The following RUFY1 variants were observed in gnomAD, a reference collection of about 807,000 sequenced individuals.
RUFY1 encodes the protein RUN and FYVE domain containing 1.
A neutral mutation model predicts 94.6 loss-of-function variants in RUFY1; 54 were observed. That is an observed-to-expected ratio of 0.57 (90% CI 0.46 to 0.72). The LOEUF is 0.72. RUFY1 is among the 30% of genes least tolerant of loss of function. The pLI is 0.00. For missense variants in RUFY1, 883 were observed against 883.9 expected (o/e 1.00, Z 0.01); for synonymous variants, 396 against 347.3 (o/e 1.14, Z -1.56).
chr5:179,557,262 C>A (rs1762157261), intron 1 of RUFY1, among the ~76,000 whole-genome samples: 1 of 152,072 alleles, frequency 6.6e-6, no homozygotes, highest in South Asian at 2.1e-4. Context: ...AACCCCGTCT[C>A]TACTAAAAAT....
chr5:179,567,231 C>T (rs1260960249), intron 3 of RUFY1, among the ~76,000 whole-genome samples: 1 of 152,136 alleles, frequency 6.6e-6, no homozygotes, highest in East Asian at 1.9e-4. Flanking sequence ...TGACTATAAG[C>T]AAAGCATTAT....
intron 3 of RUFY1, among the ~76,000 whole-genome samples, chr5:179,565,009 A>G (rs1762730929): frequency 6.6e-6 from 1 of 152,066 alleles, no homozygotes; most frequent in Non-Finnish European, 1.5e-5. Context: ...AAAGAGAGAG[A>G]AAAATAATTT....
At chr5:179,551,010 G>A in intron 1 of RUFY1, 131 bp downstream of exon 1, 1 of 771,484 alleles carries the variant, frequency 1.3e-6, no homozygotes, top group African/African-American at 1.9e-5. Flanking sequence ...TGGCGGGCGG[G>A]CGGCGCCTGG....
At chr5:179,559,206 C>G (rs1370459673) in intron 1 of RUFY1, among the ~76,000 whole-genome samples, 2 of 152,230 alleles carry the variant, frequency 1.3e-5, no homozygotes, top group Non-Finnish European at 2.9e-5. Flanking sequence ...TACCAGCTTA[C>G]TGGGTTTCAG....
At position 179,563,079 on chromosome 5, in the gene RUFY1, G is replaced by A. The variant is rs931259410; in HGVS notation, c.602+415G>A. Among the ~76,000 whole-genome samples, 9 of 152,272 alleles carry A rather than the reference G, an allele frequency of 5.9e-5. No homozygotes were observed. In the South Asian group the frequency reaches 6.2e-4, roughly 11 times the overall value. On this transcript the variant is annotated intron_variant, in intron 3 of 17. Transcript: ENST00000319449. ...CGAATTATTTGCCATGTCTGGATTTGTCCTTGGGATCGCTATGCTTAGGCT... is the reference window on the plus strand; with the variant it reads ...CGAATTATTTGCCATGTCTGGATTTATCCTTGGGATCGCTATGCTTAGGCT...
At chr5:179,563,520 A>AAG (rs1156527659) in intron 3 of RUFY1, among the ~76,000 whole-genome samples, 2 of 152,168 alleles carry the variant, frequency 1.3e-5, no homozygotes. Context: ...TTATGCCTTG[A>AAG]AGCCCTCCAA....
chr5:179,594,376 G>A (rs1354224709), intron 11 of RUFY1, among the ~76,000 whole-genome samples: 1 of 151,224 alleles, frequency 6.6e-6, no homozygotes, highest in Non-Finnish European at 1.5e-5. Context: ...GAGTCTTCCG[G>A]GCCACATAGG....
intron 6 of RUFY1, 152 bp from the exon 7 acceptor site, chr5:179,580,795 C>T: frequency 3.7e-6 from 2 of 536,686 alleles, no homozygotes; most frequent in East Asian, 3.2e-5. Context: ...TCTCTCTGTA[C>T]TCTGGGATGT....
chr5:179,600,871 A>G (rs1346943734), intron 14 of RUFY1, among the ~76,000 whole-genome samples: 1 of 151,254 alleles, frequency 6.6e-6, no homozygotes, highest in Non-Finnish European at 1.5e-5. Flanking sequence ...TAATTTTTGT[A>G]TTTTTAACTA....
At chr5:179,557,103 G>A (rs1032469512) in intron 1 of RUFY1, among the ~76,000 whole-genome samples, 2 of 152,064 alleles carry the variant, frequency 1.3e-5, no homozygotes, top group African/African-American at 4.8e-5. Context: ...CTCAACTGTT[G>A]GGAGTTACCA....
intron 17 of RUFY1, 83 bp from the exon 18 acceptor site, chr5:179,609,293 G>T (rs1057314196): frequency 2.8e-5 from 39 of 1,417,784 alleles, no homozygotes; most frequent in Non-Finnish European, 3.6e-5. Flanking sequence ...AGCAAATGAT[G>T]CGCTTCTGGG....
chr5:179,597,514 G>A (rs1765786191), intron 13 of RUFY1, among the ~76,000 whole-genome samples: 2 of 152,126 alleles, frequency 1.3e-5, no homozygotes, highest in Non-Finnish European at 2.9e-5. Flanking sequence ...GGGATTACAG[G>A]CGTGAGCCAC....
rs1370473841 is a variant in RUFY1, at chr5:179,609,732, TCTTA to T, written c.*217_*220del. ...TAACTCCTCTGGATGGAAACTTCCA[TCTTA>T]CTTGGTTACATCACGGCTCTGGTTC... is the stretch of plus-strand genomic sequence containing the variant. On this transcript the variant is annotated 3_prime_UTR_variant, in exon 18 of 18. Transcript: ENST00000319449. The T allele has an allele frequency of 6.1e-6, 3 of 491,510 alleles. No homozygotes were observed. Among genetic ancestry groups the T allele is most frequent in the Non-Finnish European group, 1.1e-5 (3 of 279,798 alleles). The allele number at this position is 491,510 out of a possible 1,614,324, so 30.4% of individuals were successfully genotyped here.
chr5:179,550,652 C>A lies in RUFY1; in HGVS notation c.83C>A (p.Ser28Ter). Reference protein sequence around the residue: ...PELEPGPGPGSALEPGEEFEI... With the variant: ...PELEPGPGPG ...CTGGAGCCGGGGCCGGGGCCCGGGTCAGCGCTTGAGCCGGGAGAAGAGTTT... is the reference window on the plus strand; with the variant it reads ...CTGGAGCCGGGGCCGGGGCCCGGGTAAGCGCTTGAGCCGGGAGAAGAGTTT... The change falls in exon 1 of 18, where the codon TCA (serine) becomes TAA (stop). Residue 28 changes from serine to a stop codon, truncating the protein, a stop_gained. Coordinates refer to ENST00000319449, the MANE Select transcript of RUFY1 (RefSeq NM_025158.5). LOFTEE classifies it high-confidence loss of function. The A allele has an allele frequency of 6.9e-7, 1 of 1,440,782 alleles. No individual in the cohort carries two copies. 89.2% of individuals were successfully genotyped at this position (1,440,782 alleles called of 1,614,324 possible).
At chr5:179,562,506 C>A in intron 2 of RUFY1, 41 bp from the exon 3 acceptor site, 3 of 1,285,572 alleles carry the variant, frequency 2.3e-6, no homozygotes, top group South Asian at 1.2e-5. Flanking sequence ...AGAAATTTTG[C>A]AACCTGTTCT....
intron 14 of RUFY1, among the ~76,000 whole-genome samples, chr5:179,600,282 C>T (rs1353376679): frequency 4.6e-5 from 7 of 152,206 alleles, no homozygotes; most frequent in African/African-American, 1.4e-4. Flanking sequence ...CCGCTGCTCC[C>T]AGTGGTCCCA....
chr5:179,585,583 T>C (rs1764541373), intron 7 of RUFY1, among the ~76,000 whole-genome samples: 1 of 151,948 alleles, frequency 6.6e-6, no homozygotes, highest in Admixed American at 6.6e-5. Context: ...TGCCTCAAAA[T>C]AAAAAAAGAA....
At chr5:179,600,380 C>G (rs1171103729) in intron 14 of RUFY1, among the ~76,000 whole-genome samples, 1 of 152,206 alleles carries the variant, frequency 6.6e-6, no homozygotes, top group African/African-American at 2.4e-5. Flanking sequence ...GCCGTTGCCC[C>G]CTGGGGAACT....
At chr5:179,567,634 C>T (rs1762926822) in intron 4 of RUFY1, 72 bp downstream of exon 4, 1 of 1,078,226 alleles carries the variant, frequency 9.3e-7, no homozygotes. Context: ...TGCGGTGGCT[C>T]ACACCTGTAA....
Sources: gnomAD v4.1 joint callset for allele counts (sites outside exome capture counted in the v4.1 genomes callset) on GRCh38, gnomAD v4.1.1 for gene constraint, MANE v1.5 for transcripts, NCBI Gene and HGNC (gene_info 2026-07-23, HGNC 2026-07-21) for gene names.